The following UPP1 variants were observed in gnomAD, a reference collection of about 807,000 sequenced individuals.
UPP1 encodes UPase 1.
UPP1 carries 25 observed loss-of-function variants against 29.6 expected under a neutral mutation model. The observed-to-expected ratio is 0.85, with a 90% CI of 0.62 to 1.18. The LOEUF (loss-of-function observed/expected upper bound fraction) is 1.18. UPP1 is among the 50% of genes most tolerant of loss of function. The pLI, the probability that UPP1 is intolerant of heterozygous loss-of-function variation, is 0.00. For missense variants in UPP1, 368 were observed against 410.4 expected, an observed-to-expected ratio of 0.90 and a Z score of 0.89; for synonymous variants, 165 against 159.8, an observed-to-expected ratio of 1.03 and a Z score of -0.25.
chr7:48,095,087 A>G (rs545933804), intron 3 of UPP1, among the ~76,000 whole-genome samples: 5 of 152,284 alleles, frequency 3.3e-5, no homozygotes, highest in African/African-American at 1.2e-4. Context: ...TCCCTGCTCA[A>G]ATCTCTGTCT....
chr7:48,090,909 G>C (rs1025280886), intron 2 of UPP1, among the ~76,000 whole-genome samples: 5 of 152,128 alleles, frequency 3.3e-5, no homozygotes, highest in Admixed American at 2.6e-4. Context: ...CAGCACTGGT[G>C]GGCATTCATG....
Position 48,108,429 on chromosome 7 carries a change from G to GT in UPP1, c.*73dup. 6.5e-7 allele frequency: 1 copy of GT among 1,529,504 alleles called. No individual in the cohort carries two copies. The allele number at this position is 1,529,504 out of a possible 1,614,324, so 94.7% of individuals were successfully genotyped here. A position where few individuals can be genotyped will look rare whatever the true frequency, so the allele number is the denominator to read the frequency against. ...AAAGCATTGTCCAAAATCCCCTGTT[G>GT]TGTGGACTTTGAGCACACTTTACAC... On this transcript the variant is annotated 3_prime_UTR_variant, in exon 9 of 9. Coordinates refer to ENST00000395564, the MANE Select transcript of UPP1 (RefSeq NM_003364.4).
rs981834523 is a variant in UPP1, at chr7:48,108,362, T to C, written c.*5T>C. 2 of 1,611,186 alleles carry C rather than the reference T, an allele frequency of 1.2e-6. No homozygotes were observed. Among genetic ancestry groups the C allele is most frequent in the Non-Finnish European group, 1.7e-6 (2 of 1,177,634 alleles). On this transcript the variant is annotated 3_prime_UTR_variant, in exon 9 of 9. Transcript: ENST00000395564. ...AAGAAACTGAGCAAGGCCTGAGCGC[T>C]GCCCTGCACCTCCGCAGACCTGCTG...
intron 3 of UPP1, among the ~76,000 whole-genome samples, chr7:48,098,990 G>A (rs1792275215): frequency 6.6e-6 from 1 of 152,154 alleles, no homozygotes; most frequent in African/African-American, 2.4e-5. Flanking sequence ...TGTCTACGGT[G>A]GACTTGAGAA....
intron 4 of UPP1, among the ~76,000 whole-genome samples, chr7:48,100,910 C>CTT (rs148106734): frequency 6.9e-4 from 104 of 150,220 alleles, no homozygotes; most frequent in African/African-American, 2.4e-3. Context: ...TATCTTCAGA[C>CTT]TTTTTTTTTT....
chr7:48,108,399 C>T lies in UPP1; in HGVS notation c.*42C>T, dbSNP rs771030088. ...CCGCAGACCTGCTGTGATGACTTGC[C>T]ATTAAAAGCATTGTCCAAAATCCCC... On this transcript the variant is annotated 3_prime_UTR_variant, in exon 9 of 9. Transcript: ENST00000395564. The T allele has an allele frequency of 8.9e-6, 14 of 1,577,908 alleles. No individual in the cohort carries two copies. The East Asian group carries it at 1.1e-4, about 13-fold the overall frequency.
chr7:48,091,747 G>A (rs988519436), intron 2 of UPP1, among the ~76,000 whole-genome samples: 1 of 152,112 alleles, frequency 6.6e-6, no homozygotes, highest in African/African-American at 2.4e-5. Context: ...ACACCCAGGA[G>A]GGGGGATCCT....
chr7:48,094,978 A>G (rs1792049246), intron 3 of UPP1, 151 bp downstream of exon 3: 4 of 992,128 alleles, frequency 4.0e-6, no homozygotes, highest in Non-Finnish European at 5.9e-6. Flanking sequence ...TTAATGACTC[A>G]GGAGGTTCGT....
intron 3 of UPP1, among the ~76,000 whole-genome samples, chr7:48,095,713 T>C (rs1467547419): frequency 6.6e-6 from 1 of 151,970 alleles, no homozygotes; most frequent in Non-Finnish European, 1.5e-5. Context: ...AGTGGCGCAA[T>C]CTCAGCTTGC....
At chr7:48,091,747 G>C (rs988519436) in intron 2 of UPP1, among the ~76,000 whole-genome samples, 17 of 152,112 alleles carry the variant, frequency 1.1e-4, no homozygotes, top group Admixed American at 9.8e-4. Context: ...ACACCCAGGA[G>C]GGGGGATCCT....
Position 48,108,354 on chromosome 7 carries a change from CT to C in UPP1, c.931del (p.Ter311GlufsTer50), listed in dbSNP as rs1327028777. 1 of 1,613,186 alleles carries C rather than the reference CT, an allele frequency of 6.2e-7. No individual in the cohort carries two copies. The highest frequency in any genetic ancestry group is 2.2e-5 in the East Asian group (1 of 44,834). On this transcript the variant is annotated frameshift_variant and stop_lost, in exon 9 of 9. Coordinates refer to ENST00000395564, the MANE Select transcript of UPP1 (RefSeq NM_003364.4). LOFTEE classifies it high-confidence loss of function. ...TCATCAAGAAGAAACTGAGCAAGGC[CT>C]GAGCGCTGCCCTGCACCTCCGCAGA... Reference protein sequence around the residue: ...YFIKKKLSKA* With the variant: ...YFIKKKLSKAX
intron 5 of UPP1, 91 bp from the exon 6 acceptor site, chr7:48,103,206 G>A (rs1259018386): frequency 1.1e-6 from 1 of 931,210 alleles, no homozygotes; most frequent in African/African-American, 1.6e-5. Flanking sequence ...CAATGGGCAT[G>A]TTAGATTGAA....
Position 48,100,693 on chromosome 7 carries a change from A to G in UPP1, c.162+906A>G, listed in dbSNP as rs148551422. On this transcript the variant is annotated intron_variant, in intron 4 of 8. Coordinates refer to ENST00000395564, the MANE Select transcript of UPP1 (RefSeq NM_003364.4). ...GGACGCTAGAATCCAGTGCTGCTAC[A>G]TGGGATCATAATTAAACAATAGTGT... Among the ~76,000 whole-genome samples the G allele has an allele frequency of 1.6e-4, 24 of 152,348 alleles. No homozygotes were observed. The East Asian group carries it at 4.4e-3, about 28-fold the overall frequency.
In UPP1 at chr7:48,101,941, C is replaced by A; in HGVS notation, c.280C>A (p.Arg94Ser). Reference sequence around the variant, plus strand: ...TCCCAACATCTGTGCGGGAACTGACCGCTATGCCATGTATAAAGTAGGACC... The same window carrying A: ...TCCCAACATCTGTGCGGGAACTGACAGCTATGCCATGTATAAAGTAGGACC... ...DYPNICAGTD[R>S]YAMYKVGPVL... The change falls in exon 5 of 9, where the codon CGC becomes AGC. Residue 94 changes from arginine to serine, a missense_variant. Coordinates refer to ENST00000395564, the MANE Select transcript of UPP1 (RefSeq NM_003364.4). 1 of 1,613,892 alleles carries A rather than the reference C, an allele frequency of 6.2e-7. No homozygotes were observed. Among genetic ancestry groups the A allele is most frequent in the Non-Finnish European group, 8.5e-7 (1 of 1,179,920 alleles).
intron 8 of UPP1, 87 bp from the exon 9 acceptor site, chr7:48,108,131 C>T (rs1248281354): frequency 2.6e-6 from 4 of 1,545,390 alleles, no homozygotes; most frequent in Non-Finnish European, 3.5e-6. Flanking sequence ...AGAGGCTGCT[C>T]CTCAGAGCTC....
rs1249830347 is a variant in UPP1, at chr7:48,103,501, CA to C, written c.436+93del. ...CTTCTACATGGTGTGGCATTAGAGA[CA>C]AAGAGTTCCTTTCTTGGCTTTGTTC... On this transcript the variant is annotated intron_variant, in intron 6 of 8. Transcript: ENST00000395564. The C allele has an allele frequency of 1.2e-5, 14 of 1,147,120 alleles. No homozygotes were observed. In the South Asian group the frequency reaches 1.4e-4, roughly 11 times the overall value. The allele number at this position is 1,147,120 out of a possible 1,614,324, so 71.1% of individuals were successfully genotyped here.
intron 6 of UPP1, chr7:48,105,769 ACTAAT>A (rs1792698077): frequency 6.6e-6 from 1 of 152,156 alleles, no homozygotes; most frequent in Non-Finnish European, 1.5e-5. Context: ...TTATAAGGGC[ACTAAT>A]CCCACTCATG....
chr7:48,091,942 G>A (rs1427426268), intron 2 of UPP1, among the ~76,000 whole-genome samples: 8 of 152,170 alleles, frequency 5.3e-5, no homozygotes, highest in Admixed American at 5.2e-4. Context: ...TACTCTACAA[G>A]GCCAGACGGG....
At chr7:48,107,205 C>A in intron 7 of UPP1, 123 bp downstream of exon 7, 1 of 1,421,576 alleles carries the variant, frequency 7.0e-7, no homozygotes, top group Non-Finnish European at 9.7e-7. Flanking sequence ...TTACACTTCG[C>A]CCAGAGTGGT....
Sources: allele counts gnomAD v4.1 joint callset (sites outside exome capture counted in the v4.1 genomes callset), GRCh38; gene constraint gnomAD v4.1.1; transcripts MANE v1.5; gene names NCBI Gene and HGNC (gene_info 2026-07-23, HGNC 2026-07-21).